DLG2: variants seen among roughly 807,000 people sequenced by gnomAD.
DLG2 encodes the protein discs large MAGUK scaffold protein 2, also known as disks large homolog 2.
DLG2 carries 45 observed loss-of-function variants against 132.5 expected under a neutral mutation model. The observed-to-expected ratio is 0.34, with a 90% CI of 0.27 to 0.44. DLG2 has a LOEUF of 0.44. DLG2 is among the 20% of genes least tolerant of loss of function. The pLI is 1.00. For missense variants in DLG2, 1,045 were observed against 1,196.9 expected (o/e 0.87, Z 1.87); for synonymous variants, 424 against 419.6 (o/e 1.01, Z -0.13).
intron 7 of DLG2, among the ~76,000 whole-genome samples, chr11:84,300,050 G>A (rs1459629733): frequency 6.6e-6 from 1 of 151,920 alleles, no homozygotes; most frequent in Admixed American, 6.5e-5. Context: ...ATTTTGGGTG[G>A]AGGCTGCCTA....
At chr11:84,877,101 C>T (rs1257962888) in intron 6 of DLG2, among the ~76,000 whole-genome samples, 1 of 151,936 alleles carries the variant, frequency 6.6e-6, no homozygotes, top group African/African-American at 2.4e-5. Context: ...TGTTTTACTT[C>T]CAATTATGTG....
chr11:85,575,150 C>CAA (rs201767866), intron 3 of DLG2, among the ~76,000 whole-genome samples: 13 of 128,344 alleles, frequency 1.0e-4, no homozygotes, highest in Middle Eastern at 4.1e-3. Flanking sequence ...ACCTCATTCA[C>CAA]AAAAAAAAAA....
At chr11:83,676,311 G>A (rs1218870602) in intron 18 of DLG2, among the ~76,000 whole-genome samples, 1 of 152,200 alleles carries the variant, frequency 6.6e-6, no homozygotes, top group Non-Finnish European at 1.5e-5. Flanking sequence ...ACAAAGACAG[G>A]CAGTGTGGCA....
At chr11:84,649,529 G>T (rs2154546309) in intron 6 of DLG2, among the ~76,000 whole-genome samples, 1 of 152,288 alleles carries the variant, frequency 6.6e-6, no homozygotes, top group South Asian at 2.1e-4. Flanking sequence ...TGATGAATTA[G>T]GTGTTAATGC....
At chr11:84,741,806 A>G (rs1476621131) in intron 6 of DLG2, among the ~76,000 whole-genome samples, 1 of 152,198 alleles carries the variant, frequency 6.6e-6, no homozygotes, top group Non-Finnish European at 1.5e-5. Flanking sequence ...CTTTAGTAAC[A>G]GACTCTACTC....
chr11:85,332,820 T>C (rs2081859546), intron 3 of DLG2, among the ~76,000 whole-genome samples: 1 of 152,128 alleles, frequency 6.6e-6, no homozygotes, highest in African/African-American at 2.4e-5. Flanking sequence ...CTGTCTGTTT[T>C]CCTGCAAGTC....
intron 3 of DLG2, among the ~76,000 whole-genome samples, chr11:85,419,910 C>A (rs191368822): frequency 1.3e-5 from 2 of 152,156 alleles, no homozygotes; most frequent in African/African-American, 2.4e-5. Flanking sequence ...TTGTTATTAC[C>A]CACATTCTGA....
rs186259960 is a variant in DLG2 at position 84,248,941 on chromosome 11, T to C, written c.573+2297A>G. On this transcript the variant is annotated intron_variant, in intron 8 of 27. Transcript: ENST00000376104. ...GACTCAAAGTCAGATACAAACCTGG[T>C]ATTTGGAAGAATGGGAAGAATTTTG... Among the ~76,000 whole-genome samples the C allele has an allele frequency of 4.5e-3, 682 of 152,298 alleles. 2 individuals carry two copies. Among genetic ancestry groups the C allele is most frequent in the South Asian group, 0.01 (49 of 4,818 alleles).
intron 6 of DLG2, among the ~76,000 whole-genome samples, chr11:84,928,948 A>G (rs187639347): frequency 0.015 from 1,913 of 129,204 alleles, 30 homozygotes; most frequent in Admixed American, 0.036. Context: ...TACTTATAAT[A>G]CTCTCTGATA....
At chr11:85,496,974 A>C (rs2093681817) in intron 3 of DLG2, among the ~76,000 whole-genome samples, 1 of 152,152 alleles carries the variant, frequency 6.6e-6, no homozygotes, top group Admixed American at 6.5e-5. Context: ...ACGGGGAGAA[A>C]CCACAGCAGA....
At chr11:84,823,230 TCTA>T (rs1182227813) in intron 6 of DLG2, among the ~76,000 whole-genome samples, 1 of 151,802 alleles carries the variant, frequency 6.6e-6, no homozygotes, top group African/African-American at 2.4e-5. Context: ...CTTTTAGAAA[TCTA>T]CTAAAGAATG....
intron 6 of DLG2, among the ~76,000 whole-genome samples, chr11:85,111,221 T>C (rs941770802): frequency 1.5e-4 from 23 of 152,138 alleles, no homozygotes; most frequent in African/African-American, 4.8e-4. Context: ...ACTATGCAAA[T>C]GCAGAGACTA....
chr11:84,355,000 C>G (rs1466125764), intron 7 of DLG2, among the ~76,000 whole-genome samples: 3 of 152,110 alleles, frequency 2.0e-5, no homozygotes, highest in Non-Finnish European at 4.4e-5. Flanking sequence ...GCAAGCATGA[C>G]TTCTCTCCTG....
In DLG2 at chr11:84,082,754, C is replaced by T. The variant is rs577788946; in HGVS notation, c.749+16169G>A. ...TGAGTATGAATTTTGTCTCAGACAC[C>T]TGTAAATAACTGAACCTCTTTACAC... On this transcript the variant is annotated intron_variant, in intron 10 of 27. Coordinates refer to ENST00000376104, the MANE Select transcript of DLG2 (RefSeq NM_001142699.3). Among the ~76,000 whole-genome samples the T allele has an allele frequency of 5.3e-5, 8 of 152,226 alleles. No homozygotes were observed. In the East Asian group the frequency reaches 1.4e-3, roughly 26 times the overall value.
At chr11:84,477,519 T>G (rs1391058772) in intron 7 of DLG2, among the ~76,000 whole-genome samples, 1 of 151,886 alleles carries the variant, frequency 6.6e-6, no homozygotes, top group Non-Finnish European at 1.5e-5. Context: ...AAATAAATAA[T>G]GATGGCAACT....
intron 6 of DLG2, among the ~76,000 whole-genome samples, chr11:84,873,712 T>C (rs914254234): frequency 6.6e-6 from 1 of 152,226 alleles, no homozygotes; most frequent in Non-Finnish European, 1.5e-5. Flanking sequence ...CTCTTTTCCT[T>C]AAAATTTTCA....
rs140528277 is a variant in DLG2, at chr11:85,555,100, A to G, written c.40+43557T>C. On this transcript the variant is annotated intron_variant, in intron 3 of 27. Transcript: ENST00000376104. ...GGCTGCCTCATGATAATTAAACTCTACTGCAATAACACTGTCTCAAGTGCA... is the reference window on the plus strand; with the variant it reads ...GGCTGCCTCATGATAATTAAACTCTGCTGCAATAACACTGTCTCAAGTGCA... Among the ~76,000 whole-genome samples the G allele has an allele frequency of 7.2e-4, 109 of 151,918 alleles. 3 individuals are homozygous for G. The East Asian group carries it at 8.1e-3, about 11-fold the overall frequency.
At chr11:85,008,546 G>A (rs759257597) in intron 6 of DLG2, among the ~76,000 whole-genome samples, 1 of 152,186 alleles carries the variant, frequency 6.6e-6, no homozygotes, top group Middle Eastern at 3.4e-3. Context: ...GGTAAAGACA[G>A]TAAATTTTAT....
rs190714943 is a variant in DLG2, at chr11:84,638,795, G to A, written c.358-104064C>T. On this transcript the variant is annotated intron_variant, in intron 6 of 27. Coordinates refer to ENST00000376104, the MANE Select transcript of DLG2 (RefSeq NM_001142699.3). ...AGTTTGATTTCATATTTGTGTGTGT[G>A]TGTATGTGTGTGTGTTCAGCAAATT... is the stretch of plus-strand genomic sequence containing the variant. Among the ~76,000 whole-genome samples the A allele has an allele frequency of 2.2e-3, 332 of 152,292 alleles. 1 individual carries two copies. The highest frequency in any genetic ancestry group is 7.8e-3 in the African/African-American group (324 of 41,552).
Sources: gnomAD v4.1 joint callset for allele counts (sites outside exome capture counted in the v4.1 genomes callset) on GRCh38, gnomAD v4.1.1 for gene constraint, MANE v1.5 for transcripts, NCBI Gene and HGNC (gene_info 2026-07-23, HGNC 2026-07-21) for gene names.